Variants in DST observed in about 807,000 individuals in gnomAD.
DST encodes bullous pemphigoid antigen.
In DST, 253 loss-of-function variants were observed where a neutral mutation model predicts 875.2. The ratio of observed to expected loss-of-function variants is 0.29; its 90% CI spans 0.26 to 0.32. The LOEUF is 0.32. Among genes scored for constraint, DST ranks in the 10% least tolerant of loss-of-function variants. DST has a pLI of 1.00. For missense variants in DST, 8,287 were observed against 9,111.6 expected, an observed-to-expected ratio of 0.91 and a Z score of 3.68; for synonymous variants, 3,124 against 3,197.1, an observed-to-expected ratio of 0.98 and a Z score of 0.77.
At chr6:56,903,522 T>C (rs958580736) in intron 2 of DST, among the ~76,000 whole-genome samples, 35 of 152,270 alleles carry the variant, frequency 2.3e-4, no homozygotes, top group Admixed American at 2.1e-3. Context: ...TGCAGTGGTG[T>C]GATCTCAGCT....
intron 3 of DST, among the ~76,000 whole-genome samples, chr6:56,894,176 C>A (rs1789506936): frequency 6.0e-5 from 1 of 16,622 alleles, no homozygotes; most frequent in Non-Finnish European, 9.9e-5. Flanking sequence ...TAGGGGCGGC[C>A]CGGCAGAAGT....
chr6:56,527,848 T>C, intron 67 of DST, 114 bp from the exon 68 acceptor site: 3 of 1,102,010 alleles, frequency 2.7e-6, no homozygotes, highest in Middle Eastern at 3.1e-4. Context: ...GGAGACATTT[T>C]TCTAAAGATA....
intron 4 of DST, among the ~76,000 whole-genome samples, chr6:56,777,897 T>A (rs1041528315): frequency 6.6e-6 from 1 of 151,832 alleles, no homozygotes; most frequent in African/African-American, 2.4e-5. Context: ...GAGATGGGGT[T>A]TCACCATGTT....
At chr6:56,475,456 G>A (rs888353585) in intron 92 of DST, among the ~76,000 whole-genome samples, 3 of 149,162 alleles carry the variant, frequency 2.0e-5, no homozygotes, top group Non-Finnish European at 2.9e-5. Context: ...AACATTAATT[G>A]CTTAACCAAC....
chr6:56,876,011 T>C lies in DST; in HGVS notation c.418-24407A>G, dbSNP rs150475387. Among the ~76,000 whole-genome samples the C allele has an allele frequency of 3.7e-3, 558 of 152,186 alleles. 3 individuals carry two copies. The highest frequency in any genetic ancestry group is 0.011 in the African/African-American group (468 of 41,528). ...CTTGCCTTACCTTAATCATTCCACGTTGTATTTGTTAAGTGCCTGCTCTCT... is the reference window on the plus strand; with the variant it reads ...CTTGCCTTACCTTAATCATTCCACGCTGTATTTGTTAAGTGCCTGCTCTCT... On this transcript the variant is annotated intron_variant, in intron 3 of 103. Coordinates refer to ENST00000680361, the MANE Select transcript of DST (RefSeq NM_001374736.1).
At chr6:56,693,248 T>C (rs2152862407) in intron 9 of DST, 2 of 1,202,086 alleles carry the variant, frequency 1.7e-6, no homozygotes, top group Non-Finnish European at 1.1e-6. Context: ...CACTCTGACA[T>C]CTGTTCCACA....
rs1227737483 is a variant in DST at position 56,607,787 on chromosome 6, T to C, written c.6841A>G (p.Lys2281Glu). The change falls in exon 40 of 104, where the codon AAA becomes GAA. Residue 2281 changes from lysine (K) to glutamate (E), a missense_variant. This residue lies in a region of DST where 3,138 missense variants were observed against 3,116.6 expected (regional missense o/e 1.01). Coordinates refer to ENST00000680361, the MANE Select transcript of DST (RefSeq NM_001374736.1). ...TGTTCAGGTTCTCCACAGTGACATT[T>C]ATTGAAACTACTTGGTGTAGCTGTA... ...ECTATPSSFN[K>E]CHCGEPEHEE... is the part of the protein sequence containing the mutation. The C allele has an allele frequency of 1.2e-6, 2 of 1,613,372 alleles. No individual in the cohort carries two copies. Among genetic ancestry groups the C allele is most frequent in the African/African-American group, 1.3e-5 (1 of 74,932 alleles).
At chr6:56,855,272 G>T (rs988568588) in intron 3 of DST, among the ~76,000 whole-genome samples, 2 of 152,186 alleles carry the variant, frequency 1.3e-5, no homozygotes, top group Non-Finnish European at 2.9e-5. Flanking sequence ...TAATATAAAT[G>T]AGAGTTAAGT....
chr6:56,503,642 C>A (rs1197576568), intron 78 of DST, among the ~76,000 whole-genome samples: 2 of 139,852 alleles, frequency 1.4e-5, no homozygotes, highest in Non-Finnish European at 3.1e-5. Context: ...ATGTCCCTAA[C>A]ATGAAGATAT....
intron 4 of DST, among the ~76,000 whole-genome samples, chr6:56,815,740 T>A (rs368223377): frequency 4.6e-5 from 7 of 152,296 alleles, no homozygotes; most frequent in African/African-American, 1.7e-4. Context: ...TTATAAAATA[T>A]TGTAAACATC....
chr6:56,647,974 C>G, intron 13 of DST, among the ~76,000 whole-genome samples: 1 of 152,158 alleles, frequency 6.6e-6, no homozygotes, highest in South Asian at 2.1e-4. Context: ...GTGTGACCCA[C>G]CGCACCCGGC....
At chr6:56,583,364 T>A (rs1585586133) in intron 49 of DST, among the ~76,000 whole-genome samples, 1 of 152,380 alleles carries the variant, frequency 6.6e-6, no homozygotes, top group South Asian at 2.1e-4. Context: ...GAGCGTTTTT[T>A]CATGTGTCTT....
intron 35 of DST, 148 bp from the exon 36 acceptor site, chr6:56,624,776 T>A: frequency 1.5e-6 from 1 of 670,958 alleles, no homozygotes; most frequent in Non-Finnish European, 2.6e-6. Context: ...ATGAGCTTAT[T>A]ATTACTATTA....
intron 90 of DST, among the ~76,000 whole-genome samples, chr6:56,481,696 C>T (rs2095407761): frequency 6.6e-6 from 1 of 152,142 alleles, no homozygotes; most frequent in South Asian, 2.1e-4. Flanking sequence ...CCAAACTGCT[C>T]GTTAAAGAGG....
At chr6:56,629,559 G>T in intron 31 of DST, 116 bp from the exon 32 acceptor site, 1 of 802,926 alleles carries the variant, frequency 1.2e-6, no homozygotes, top group Non-Finnish European at 2.0e-6. Context: ...TAAGATAAAG[G>T]AAAGAATATC....
chr6:56,596,187 C>T (rs556031777), intron 47 of DST, among the ~76,000 whole-genome samples: 1 of 152,126 alleles, frequency 6.6e-6, no homozygotes, highest in Admixed American at 6.5e-5. Context: ...CACCACCACA[C>T]CCAGCTAATT....
At chr6:56,586,996 T>C (rs1355122426) in intron 49 of DST, among the ~76,000 whole-genome samples, 5 of 152,194 alleles carry the variant, frequency 3.3e-5, no homozygotes, top group East Asian at 1.9e-4. Context: ...CTCTAAAAAG[T>C]GGAGTGCCTC....
chr6:56,500,969 G>T, intron 80 of DST, 111 bp downstream of exon 80: 1 of 1,002,354 alleles, frequency 1.0e-6, no homozygotes, highest in Non-Finnish European at 1.4e-6. Flanking sequence ...ATATGAACTT[G>T]TGTCAAAATC....
intron 4 of DST, among the ~76,000 whole-genome samples, chr6:56,801,136 C>G (rs1319135312): frequency 9.4e-6 from 1 of 106,606 alleles, no homozygotes; most frequent in Non-Finnish European, 2.2e-5. Context: ...AATTTTTAAC[C>G]TTTGCCACAT....
Sources: allele counts gnomAD v4.1 joint callset (sites outside exome capture counted in the v4.1 genomes callset), GRCh38; gene constraint gnomAD v4.1.1; regional missense constraint gnomAD v4.1.1; transcripts MANE v1.5; gene names NCBI Gene and HGNC (gene_info 2026-07-23, HGNC 2026-07-21).